FAM20C: variants seen among roughly 807,000 people sequenced by gnomAD.
The protein encoded by FAM20C is FAM20C golgi associated secretory pathway kinase, also known as extracellular serine/threonine protein kinase FAM20C.
A neutral mutation model predicts 51.5 loss-of-function variants in FAM20C; 40 were observed. That is an observed-to-expected ratio of 0.78 (90% CI 0.60 to 1.01). The LOEUF is 1.01. FAM20C is among the 50% of genes least tolerant of loss of function. The pLI, the probability that FAM20C is intolerant of heterozygous loss-of-function variation, is 0.00. For synonymous variants in FAM20C, 406 were observed against 380.6 expected (o/e 1.07, Z -0.78); for missense variants, 861 against 844.7 (o/e 1.02, Z -0.24).
intron 2 of FAM20C, among the ~76,000 whole-genome samples, chr7:206,144 C>T (rs1159589938): frequency 1.3e-5 from 2 of 152,220 alleles, no homozygotes; most frequent in Non-Finnish European, 2.9e-5. Context: ...ATGACATTCC[C>T]TCTCTGGCCG....
chr7:195,625 G>A lies in FAM20C; in HGVS notation c.677G>A (p.Trp226Ter). The A allele has an allele frequency of 6.2e-7, 1 of 1,610,422 alleles. No homozygotes were observed. Among genetic ancestry groups the A allele is most frequent in the African/African-American group, 1.3e-5 (1 of 74,956 alleles). Residue 226 changes from tryptophan to a stop codon, truncating the protein, a stop_gained, in exon 2 of 10, where the codon TGG (tryptophan) becomes TAG (stop). Transcript: ENST00000313766. LOFTEE classifies it high-confidence loss of function. ...GEAAVDSYPN[W>*]LKFHIGINRY... ...GCGGCCGTGGACTCCTATCCCAACT[G>A]GCTCAAGTTCCACATTGGTATCAAC...
At chr7:237,807 G>A (rs1275831475) in intron 3 of FAM20C, among the ~76,000 whole-genome samples, 171 of 151,926 alleles carry the variant, frequency 1.1e-3, no homozygotes, top group East Asian at 9.3e-3. Context: ...TGATGGTGGA[G>A]GTGATGATCA....
chr7:246,538 C>T (rs546366328), intron 4 of FAM20C, 31 bp downstream of exon 4: 5 of 1,285,446 alleles, frequency 3.9e-6, no homozygotes, highest in African/African-American at 7.0e-5. Flanking sequence ...TCCATCCGCG[C>T]TCCCGTGCGC....
chr7:257,695 G>C (rs1476244942), intron 8 of FAM20C, among the ~76,000 whole-genome samples: 4 of 152,226 alleles, frequency 2.6e-5, no homozygotes, highest in Non-Finnish European at 4.4e-5. Context: ...CAGGCCAGAG[G>C]CCAGGACCCC....
At chr7:235,751 G>A (rs957612133) in intron 3 of FAM20C, among the ~76,000 whole-genome samples, 167 of 152,296 alleles carry the variant, frequency 1.1e-3, no homozygotes, top group African/African-American at 3.7e-3. Flanking sequence ...GAGGGTCAGT[G>A]GTGGACGGGG....
chr7:244,163 G>A (rs1308165404), intron 3 of FAM20C, among the ~76,000 whole-genome samples: 3 of 151,942 alleles, frequency 2.0e-5, no homozygotes, highest in African/African-American at 7.3e-5. Flanking sequence ...TTGAACTCCT[G>A]GACTCATGCT....
intron 3 of FAM20C, among the ~76,000 whole-genome samples, chr7:244,393 C>T (rs774944580): frequency 2.0e-5 from 3 of 152,214 alleles, no homozygotes; most frequent in East Asian, 1.9e-4. Context: ...AATTTACCAC[C>T]CCTGGAACTG....
At chr7:202,536 T>C (rs556116299) in intron 2 of FAM20C, among the ~76,000 whole-genome samples, 3 of 143,044 alleles carry the variant, frequency 2.1e-5, no homozygotes, top group Non-Finnish European at 4.5e-5. Flanking sequence ...CTTGTGGACA[T>C]CTTCCCGTGT....
At chr7:232,762 G>A (rs1238644802) in intron 3 of FAM20C, among the ~76,000 whole-genome samples, 8 of 152,338 alleles carry the variant, frequency 5.3e-5, no homozygotes, top group South Asian at 2.1e-4. Flanking sequence ...GCGGCTGACC[G>A]GCCCCTCGGC....
chr7:193,753 A>T lies in FAM20C; in HGVS notation c.554A>T (p.Asn185Ile), dbSNP rs777240362. Residue 185 changes from asparagine to isoleucine, a missense_variant, in exon 1 of 10, where the codon AAT (asparagine) becomes ATT (isoleucine). Physicochemically the swap from Asn to Ile is moderately radical, Grantham distance 149 (BLOSUM62 -3). Around this residue, in one of 3 missense-constraint regions of FAM20C, gnomAD observed 561 missense variants for 499.8 expected, o/e 1.12. Coordinates refer to ENST00000313766, the MANE Select transcript of FAM20C (RefSeq NM_020223.4). ...PPLTEEDVLF[N>I]VNSDTRLSPK... ...CTCACGGAGGAGGACGTCCTGTTCA[A>T]TGTGAACAGCGACACCAGGCTCAGC... 1.3e-6 allele frequency: 2 copies of T among 1,549,616 alleles called. No homozygotes were observed. The highest frequency in any genetic ancestry group is 3.9e-5 in the Admixed American group (2 of 51,184).
intron 3 of FAM20C, among the ~76,000 whole-genome samples, chr7:217,373 T>TCCC: frequency 2.1e-4 from 1 of 4,690 alleles, no homozygotes; most frequent in African/African-American, 6.5e-4. Flanking sequence ...GGTCACAGAC[T>TCCC]GGCTGTGGGT....
At chr7:232,955 G>T (rs1220475415) in intron 3 of FAM20C, among the ~76,000 whole-genome samples, 1 of 152,236 alleles carries the variant, frequency 6.6e-6, no homozygotes, top group African/African-American at 2.4e-5. Flanking sequence ...CCTGAGAGGG[G>T]CCCAGATCCG....
intron 2 of FAM20C, among the ~76,000 whole-genome samples, chr7:198,438 G>A (rs561657423): frequency 6.6e-6 from 1 of 152,282 alleles, no homozygotes; most frequent in East Asian, 1.9e-4. Flanking sequence ...CCATTCACTA[G>A]CGAAAACTGA....
intron 3 of FAM20C, among the ~76,000 whole-genome samples, chr7:212,320 G>A (rs906430628): frequency 2.0e-5 from 3 of 152,154 alleles, no homozygotes; most frequent in African/African-American, 7.2e-5. Context: ...AAAATTAGCC[G>A]GGTGTGGTGG....
At position 260,171 on chromosome 7, in the gene FAM20C, G is replaced by C; in HGVS notation, c.*191G>C. 1 of 813,144 alleles carries C rather than the reference G, an allele frequency of 1.2e-6. No homozygotes were observed. The highest frequency in any genetic ancestry group is 1.8e-6 in the Non-Finnish European group (1 of 564,948). 50.4% of individuals were successfully genotyped at this position (813,144 alleles called of 1,614,324 possible). ...ATTTTGTCAGTGTTTGACCAGAAAA[G>C]CTTGGGAAGGAAGCGCTGTCTGTGC... On this transcript the variant is annotated 3_prime_UTR_variant, in exon 10 of 10. Transcript: ENST00000313766.
At chr7:233,520 G>A (rs960830823) in intron 3 of FAM20C, among the ~76,000 whole-genome samples, 168 of 152,312 alleles carry the variant, frequency 1.1e-3, no homozygotes, top group Non-Finnish European at 1.2e-3. Context: ...CTAAAAGGAC[G>A]TGCAGGCTGA....
chr7:245,187 G>A (rs150550222), intron 3 of FAM20C, among the ~76,000 whole-genome samples: 2 of 152,252 alleles, frequency 1.3e-5, no homozygotes, highest in African/African-American at 2.4e-5. Context: ...GAAAGTGACC[G>A]GGGCGGCGTC....
chr7:202,639 G>A (rs1786187416), intron 2 of FAM20C, among the ~76,000 whole-genome samples: 1 of 148,138 alleles, frequency 6.8e-6, no homozygotes, highest in African/African-American at 2.5e-5. Flanking sequence ...GAGAATGGGT[G>A]GCTGCTGGGT....
chr7:226,532 G>T (rs1562382447), intron 3 of FAM20C, among the ~76,000 whole-genome samples: 1 of 152,206 alleles, frequency 6.6e-6, no homozygotes, highest in Admixed American at 6.5e-5. Context: ...GGGCCTCTCA[G>T]GTGGCCCCGT....
Sources: gnomAD v4.1 joint callset for allele counts (sites outside exome capture counted in the v4.1 genomes callset) on GRCh38, gnomAD v4.1.1 for gene constraint, gnomAD v4.1.1 regional missense constraint, MANE v1.5 for transcripts, NCBI Gene and HGNC (gene_info 2026-07-23, HGNC 2026-07-21) for gene names.